The following TMPRSS13 variants were observed in gnomAD, a reference collection of about 807,000 sequenced individuals.
TMPRSS13 encodes the protein transmembrane serine protease 13, also known as transmembrane protease serine 13.
A neutral mutation model predicts 68.4 loss-of-function variants in TMPRSS13; 50 were observed. The ratio of observed to expected loss-of-function variants is 0.73; its 90% CI spans 0.58 to 0.93. TMPRSS13 has a LOEUF of 0.93. Ranked by LOEUF, TMPRSS13 falls within the 40% of genes least tolerant of loss-of-function variation. The pLI is 0.00. For synonymous variants in TMPRSS13, 267 were observed against 285.8 expected, an observed-to-expected ratio of 0.93 and a Z score of 0.66; for missense variants, 615 against 729.2, an observed-to-expected ratio of 0.84 and a Z score of 1.80.
At chr11:117,921,250 G>T (rs527630215) in intron 1 of TMPRSS13, among the ~76,000 whole-genome samples, 1 of 152,144 alleles carries the variant, frequency 6.6e-6, no homozygotes, top group African/African-American at 2.4e-5. Context: ...ACCTACCTTC[G>T]TCTCTTCAGG....
intron 1 of TMPRSS13, among the ~76,000 whole-genome samples, chr11:117,928,408 C>T (rs996504884): frequency 7.9e-5 from 12 of 152,222 alleles, no homozygotes; most frequent in African/African-American, 2.9e-4. Context: ...CACAAGCCAA[C>T]TATAAGCCAA....
At chr11:117,908,854 A>G in intron 8 of TMPRSS13, 70 bp from the exon 9 acceptor site, 1 of 1,421,192 alleles carries the variant, frequency 7.0e-7, no homozygotes, top group Non-Finnish European at 9.5e-7. Context: ...CCTGCTACCT[A>G]CAGGGAGCCA....
chr11:117,908,184 G>T, intron 9 of TMPRSS13: 4 of 616,766 alleles, frequency 6.5e-6, no homozygotes, highest in Non-Finnish European at 9.3e-6. Context: ...TTATCTCTCT[G>T]TAAAGCTCCA....
At chr11:117,903,836 G>A (rs1293660702) in intron 11 of TMPRSS13, 29 bp from the exon 12 acceptor site, 1 of 1,606,112 alleles carries the variant, frequency 6.2e-7, no homozygotes, top group Non-Finnish European at 8.5e-7. Context: ...ACATTCGCAG[G>A]ATGGGACAGG....
chr11:117,902,098 A>C lies in TMPRSS13; in HGVS notation c.*141T>G. ...CACACACACACACACACACACACAC[A>C]CACACAGAGGCAGCAGACAGTGGAG... On this transcript the variant is annotated 3_prime_UTR_variant, in exon 13 of 13. Coordinates refer to ENST00000524993, the MANE Select transcript of TMPRSS13 (RefSeq NM_001077263.3). The C allele has an allele frequency of 1.1e-6, 1 of 888,898 alleles. No homozygotes were observed. The highest frequency in any genetic ancestry group is 1.8e-6 in the Non-Finnish European group (1 of 559,106). 55.1% of individuals were successfully genotyped at this position (888,898 alleles called of 1,614,324 possible).
Position 117,920,690 on chromosome 11 carries a change from T to C in TMPRSS13, c.22-1852A>G, listed in dbSNP as rs535811753. Among the ~76,000 whole-genome samples, 11 of 152,194 alleles carry C rather than the reference T, an allele frequency of 7.2e-5. No homozygotes were observed. In the South Asian group the frequency reaches 1.9e-3, roughly 26 times the overall value. ...TTTTAGTAGAGATGGAGTTTCACCA[T>C]GTTGGCCAGGCTGGTCTCAAACTCC... On this transcript the variant is annotated intron_variant, in intron 1 of 12. Coordinates refer to ENST00000524993, the MANE Select transcript of TMPRSS13 (RefSeq NM_001077263.3).
rs201983451 is a variant in TMPRSS13 at position 117,918,603 on chromosome 11, G to A, written c.257C>T (p.Pro86Leu). The change falls in exon 2 of 13, where the codon CCA becomes CTA. Residue 86 changes from proline to leucine, a missense_variant. Physicochemically the swap from Pro to Leu is moderately conservative, Grantham distance 98. Transcript: ENST00000524993. Reference sequence around the variant, plus strand: ...TGCCAGAGCCGGAGATGCCCGGGCTGGAGATGCCTGGGCTGGAGATGCCTG... The same window carrying A: ...TGCCAGAGCCGGAGATGCCCGGGCTAGAGATGCCTGGGCTGGAGATGCCTG... ...PAQASPAQAS[P>L]ARASPALASL... The A allele has an allele frequency of 8.9e-6, 1 of 112,956 alleles. No individual in the cohort carries two copies. Among genetic ancestry groups the A allele is most frequent in the Non-Finnish European group, 1.2e-5 (1 of 82,344 alleles). The allele number at this position is 112,956 out of a possible 1,614,324, so 7.0% of individuals were successfully genotyped here. A position where few individuals can be genotyped will look rare whatever the true frequency, so the allele number is the denominator to read the frequency against.
Position 117,915,324 on chromosome 11 carries a change from G to A in TMPRSS13, c.557-810C>T, listed in dbSNP as rs1453060637. ...CCGGGTTCTAACTTCTCACCCTGCC[G>A]CTCCTCCTCCACCAGCTCCTCAGCC... On this transcript the variant is annotated intron_variant, in intron 3 of 12. Coordinates refer to ENST00000524993, the MANE Select transcript of TMPRSS13 (RefSeq NM_001077263.3). This position sits in a 1 kb window ranked among gnomAD's most constrained non-coding sequence, Gnocchi z 4.9. Among the ~76,000 whole-genome samples the A allele has an allele frequency of 1.3e-5, 2 of 152,034 alleles. No individual in the cohort carries two copies. The highest frequency in any genetic ancestry group is 4.8e-5 in the African/African-American group (2 of 41,404).
chr11:117,902,758 ATTTG>A (rs969907280), intron 12 of TMPRSS13, among the ~76,000 whole-genome samples: 3 of 152,196 alleles, frequency 2.0e-5, no homozygotes, highest in African/African-American at 7.2e-5. Context: ...CTTTTCATTT[ATTTG>A]TTTATTCATT....
intron 7 of TMPRSS13, 137 bp from the exon 8 acceptor site, chr11:117,910,105 T>C: frequency 9.7e-7 from 1 of 1,028,236 alleles, no homozygotes; most frequent in Admixed American, 2.4e-5. Context: ...CACCCACCCT[T>C]CCATGGACGG....
chr11:117,905,822 G>A, intron 9 of TMPRSS13, 86 bp from the exon 10 acceptor site: 1 of 952,702 alleles, frequency 1.0e-6, no homozygotes. Context: ...CCACTCTGGG[G>A]GCAAGGAGGG....
In TMPRSS13 at chr11:117,901,260, G is replaced by C. The variant is rs563899064; in HGVS notation, c.*979C>G. On this transcript the variant is annotated 3_prime_UTR_variant, in exon 13 of 13. Coordinates refer to ENST00000524993, the MANE Select transcript of TMPRSS13 (RefSeq NM_001077263.3). ...ACAGCATCTGTTTCTTAACGCCTTC[G>C]TCAGAGCCCTGGGATGCAGAAACAG... 6.6e-6 allele frequency: 1 copy of C among 152,562 alleles called. No individual in the cohort carries two copies. The highest frequency in any genetic ancestry group is 2.4e-5 in the African/African-American group (1 of 41,414). 9.5% of individuals were successfully genotyped at this position (152,562 alleles called of 1,614,324 possible). A position where few individuals can be genotyped will look rare whatever the true frequency, so the allele number is the denominator to read the frequency against.
At chr11:117,906,317 C>G (rs946182728) in intron 9 of TMPRSS13, among the ~76,000 whole-genome samples, 4 of 152,196 alleles carry the variant, frequency 2.6e-5, no homozygotes, top group Admixed American at 2.6e-4. Flanking sequence ...TAACTTGATC[C>G]CACATTCAGA....
chr11:117,904,802 C>A (rs1256183169), intron 10 of TMPRSS13, among the ~76,000 whole-genome samples: 2 of 146,124 alleles, frequency 1.4e-5, no homozygotes, highest in Admixed American at 1.4e-4. Flanking sequence ...AGACATCCCC[C>A]TCTCCTGGCC....
intron 1 of TMPRSS13, among the ~76,000 whole-genome samples, chr11:117,926,137 G>C (rs563334911): frequency 6.9e-6 from 1 of 145,766 alleles, no homozygotes; most frequent in East Asian, 2.1e-4. Flanking sequence ...GCAGGTGCCA[G>C]GGTCCTTGGA....
At chr11:117,913,454 G>A (rs1286078788) in intron 5 of TMPRSS13, among the ~76,000 whole-genome samples, 1 of 152,178 alleles carries the variant, frequency 6.6e-6, no homozygotes, top group Non-Finnish European at 1.5e-5. Context: ...CCAAATGCCT[G>A]CCCAAGTCGT....
rs1288019616 is a variant in TMPRSS13 at position 117,902,187 on chromosome 11, T to G, written c.*52A>C. 5 of 1,611,096 alleles carry G rather than the reference T, an allele frequency of 3.1e-6. No homozygotes were observed. Among genetic ancestry groups the G allele is most frequent in the Non-Finnish European group, 4.2e-6 (5 of 1,178,546 alleles). The stretch of plus-strand genomic sequence containing the variant: ...TGATGCCACACATGGCCAGTCACCA[T>G]GGCCAGAGTCTTCACAGCAGCCGGT... On this transcript the variant is annotated 3_prime_UTR_variant, in exon 13 of 13. Transcript: ENST00000524993.
intron 9 of TMPRSS13, chr11:117,907,696 C>T (rs1468340745): frequency 4.7e-6 from 3 of 634,492 alleles, no homozygotes; most frequent in African/African-American, 4.0e-5. Flanking sequence ...GGCTATCCTT[C>T]CTCTGCTGAG....
At chr11:117,911,737 A>G in intron 6 of TMPRSS13, 31 bp downstream of exon 6, 1 of 1,593,012 alleles carries the variant, frequency 6.3e-7, no homozygotes, top group South Asian at 1.1e-5. Context: ...TCCCCTGCTC[A>G]CAAACAGGCA....
Sources: allele counts gnomAD v4.1 joint callset (sites outside exome capture counted in the v4.1 genomes callset), GRCh38; gene constraint gnomAD v4.1.1; non-coding constraint Gnocchi (gnomAD v3.1); transcripts MANE v1.5; gene names NCBI Gene and HGNC (gene_info 2026-07-23, HGNC 2026-07-21).